LRP8: variants seen among roughly 807,000 people sequenced by gnomAD.
The protein encoded by LRP8 is low-density lipoprotein receptor-related protein 8.
A neutral mutation model predicts 111.6 loss-of-function variants in LRP8; 46 were observed. The ratio of observed to expected loss-of-function variants is 0.41; its 90% CI spans 0.33 to 0.53. The LOEUF is 0.53. LRP8 is among the 20% of genes least tolerant of loss of function. The pLI, the probability that LRP8 is intolerant of heterozygous loss-of-function variation, is 0.20. For missense variants in LRP8, 959 were observed against 1,297.4 expected (o/e 0.74, Z 4.01); for synonymous variants, 464 against 511.2 (o/e 0.91, Z 1.24).
In LRP8 at chr1:53,275,733, C is replaced by T; in HGVS notation, c.904G>A (p.Asp302Asn). The change falls in exon 6 of 19, where the codon GAC becomes AAC. Residue 302 changes from aspartate (D) to asparagine (N), a missense_variant. By Grantham distance (23) the Asp-to-Asn change is conservative (BLOSUM62 1). Transcript: ENST00000306052. This position sits in a 1 kb window ranked among gnomAD's most constrained non-coding sequence, Gnocchi z 4.4. ...GTCCCATCCCCACACTGGAACTCGT[C>T]CCCACGGCAGGTGCCCAGTGCTGCC... is the stretch of plus-strand genomic sequence containing the variant. Reference protein sequence around the residue: ...ADCPLGTCRGDEFQCGDGTCV... With the variant: ...ADCPLGTCRGNEFQCGDGTCV... The T allele has an allele frequency of 6.2e-7, 1 of 1,614,004 alleles. No homozygotes were observed. The highest frequency in any genetic ancestry group is 8.5e-7 in the Non-Finnish European group (1 of 1,179,972).
intron 16 of LRP8, among the ~76,000 whole-genome samples, chr1:53,252,540 TAAAAAGAAAAAG>T (rs926379334): frequency 2.6e-5 from 4 of 151,846 alleles, no homozygotes; most frequent in African/African-American, 9.7e-5. Context: ...TCTTGTCTCT[TAAAAAGAAAAAG>T]AAAAAGAAAA....
At position 53,302,831 on chromosome 1, in the gene LRP8, A is replaced by G. The variant is rs559814216; in HGVS notation, c.245-13142T>C. On this transcript the variant is annotated intron_variant, in intron 2 of 18. Transcript: ENST00000306052. ...CAGCTTCCCAAGTAGCTGGGACTGC[A>G]GGCGTGCACCACCACACCCAGCTAA... Among the ~76,000 whole-genome samples, 283 of 145,630 alleles carry G rather than the reference A, an allele frequency of 1.9e-3. 2 individuals carry two copies. Among genetic ancestry groups the G allele is most frequent in the African/African-American group, 6.6e-3 (259 of 39,242 alleles).
In LRP8 at chr1:53,275,153, C is replaced by T. The variant is rs569925428; in HGVS notation, c.1006+478G>A. On this transcript the variant is annotated intron_variant, in intron 6 of 18. Coordinates refer to ENST00000306052, the MANE Select transcript of LRP8 (RefSeq NM_004631.5). This position sits in a 1 kb window ranked among gnomAD's most constrained non-coding sequence, Gnocchi z 4.4. Reference sequence around the variant, plus strand: ...TGATCATCTCCTGGGGGGACTTTGCCCCATGGACCCCGGATAGGGGAAGTT... The same window carrying T: ...TGATCATCTCCTGGGGGGACTTTGCTCCATGGACCCCGGATAGGGGAAGTT... Among the ~76,000 whole-genome samples, 1 of 152,280 alleles carries T rather than the reference C, an allele frequency of 6.6e-6. No individual in the cohort carries two copies. The highest frequency in any genetic ancestry group is 2.1e-4 in the South Asian group (1 of 4,826).
rs995464348 is a variant in LRP8 at position 53,279,681 on chromosome 1, T to C, written c.496+906A>G. Among the ~76,000 whole-genome samples the C allele has an allele frequency of 1.3e-5, 2 of 152,212 alleles. No individual in the cohort carries two copies. The highest frequency in any genetic ancestry group is 2.9e-5 in the Non-Finnish European group (2 of 68,032). ...ATGGATAGGATGCAAATATAGAGGC[T>C]GGCAGAGGGGAGTAGGCAGCAGTGA... On this transcript the variant is annotated intron_variant, in intron 4 of 18. Coordinates refer to ENST00000306052, the MANE Select transcript of LRP8 (RefSeq NM_004631.5). This position sits in a 1 kb window ranked among gnomAD's most constrained non-coding sequence, Gnocchi z 4.4.
chr1:53,316,833 C>T (rs1032061409), intron 2 of LRP8, among the ~76,000 whole-genome samples: 3 of 152,170 alleles, frequency 2.0e-5, no homozygotes, highest in African/African-American at 7.2e-5. Context: ...CACACATGGC[C>T]TGGGGAGGAG....
In LRP8 at chr1:53,295,063, C is replaced by G. The variant is rs556559248; in HGVS notation, c.245-5374G>C. On this transcript the variant is annotated intron_variant, in intron 2 of 18. Coordinates refer to ENST00000306052, the MANE Select transcript of LRP8 (RefSeq NM_004631.5). Reference sequence around the variant, plus strand: ...CAAGGCCTAGTGAGAAGTGACTGCTCAAAGCCACAGCACATGTCTGTGGGA... The same window carrying G: ...CAAGGCCTAGTGAGAAGTGACTGCTGAAAGCCACAGCACATGTCTGTGGGA... 9.2e-4 allele frequency among the ~76,000 whole-genome samples: 140 copies of G among 152,310 alleles called. 1 individual carries two copies. Among genetic ancestry groups the G allele is most frequent in the African/African-American group, 3.2e-3 (132 of 41,570 alleles).
chr1:53,276,986 C>T lies in LRP8; in HGVS notation c.589G>A (p.Asp197Asn), dbSNP rs1386006199. 1.1e-5 allele frequency: 17 copies of T among 1,511,996 alleles called. No homozygotes were observed. The highest frequency in any genetic ancestry group is 1.4e-5 in the African/African-American group (1 of 70,502). 93.7% of individuals were successfully genotyped at this position (1,511,996 alleles called of 1,614,324 possible). The change falls in exon 5 of 19, where the codon GAT (aspartate) becomes AAT (asparagine). Residue 197 changes from aspartate (D) to asparagine (N), a missense_variant. Asp to Asn is a conservative substitution (Grantham distance 23, BLOSUM62 1). Around this residue, in one of 3 missense-constraint regions of LRP8, gnomAD observed 819 missense variants for 1,097.6 expected, o/e 0.75. Transcript: ENST00000306052. ...GCCGGGTCTGCACAGCCGCGCTCAT[C>T]GCTGCCGTCACCACAGTCGTCGTCG... ...DGDDDCGDGSDERGCADPACG... is the reference protein window; with the variant it reads ...DGDDDCGDGSNERGCADPACG...
rs757383846 is a variant in LRP8, at chr1:53,264,188, C to T, written c.1636G>A (p.Ala546Thr). The T allele has an allele frequency of 1.2e-5, 19 of 1,614,024 alleles. No individual in the cohort carries two copies. The East Asian group carries it at 2.9e-4, about 25-fold the overall frequency. Reference protein sequence around the residue: ...SRNLSEPRAIAVDPLRGFMYW... With the variant: ...SRNLSEPRAITVDPLRGFMYW... Reference sequence around the variant, plus strand: ...ACTCACCCTCGCAGGGGGTCAACAGCGATGGCCCGGGGTTCACTGAGGTTA... The same window carrying T: ...ACTCACCCTCGCAGGGGGTCAACAGTGATGGCCCGGGGTTCACTGAGGTTA... Residue 546 changes from alanine (A) to threonine (T), a missense_variant, in exon 10 of 19, where the codon GCT becomes ACT. Physicochemically the swap from Ala to Thr is moderately conservative, Grantham distance 58 (BLOSUM62 0). Around this residue, in one of 3 missense-constraint regions of LRP8, gnomAD observed 819 missense variants for 1,097.6 expected, o/e 0.75. Coordinates refer to ENST00000306052, the MANE Select transcript of LRP8 (RefSeq NM_004631.5).
At chr1:53,282,197 C>T (rs1000027267) in intron 3 of LRP8, among the ~76,000 whole-genome samples, 2 of 152,188 alleles carry the variant, frequency 1.3e-5, no homozygotes, top group South Asian at 4.1e-4. Flanking sequence ...TCCCTGGACA[C>T]CACTACTGCC....
chr1:53,278,682 C>T (rs1422820318), intron 4 of LRP8, among the ~76,000 whole-genome samples: 2 of 152,058 alleles, frequency 1.3e-5, no homozygotes, highest in East Asian at 3.8e-4. Context: ...TCCCTTCCTG[C>T]CTGTCCCCAC....
At chr1:53,252,624 C>T (rs950328019) in intron 16 of LRP8, among the ~76,000 whole-genome samples, 3 of 152,050 alleles carry the variant, frequency 2.0e-5, no homozygotes, top group African/African-American at 7.2e-5. Context: ...CCTAGGAAAA[C>T]CTAAGAAGAA....
chr1:53,296,990 C>T (rs115963279), intron 2 of LRP8, among the ~76,000 whole-genome samples: 77 of 152,252 alleles, frequency 5.1e-4, no homozygotes, highest in African/African-American at 1.7e-3. Flanking sequence ...CAGAGCCCAT[C>T]GCCAGCAGAT....
chr1:53,275,562 C>T lies in LRP8; in HGVS notation c.1006+69G>A. ...AAGGGGAAACTCCTCCCAACTCTGC[C>T]CTCTGGAGAGTTACCAGAGCCTAGG... On this transcript the variant is annotated intron_variant, in intron 6 of 18. Coordinates refer to ENST00000306052, the MANE Select transcript of LRP8 (RefSeq NM_004631.5). The surrounding 1 kb of genome is among the most constrained non-coding windows in gnomAD (Gnocchi z 4.4). 6.3e-7 allele frequency: 1 copy of T among 1,584,952 alleles called. No homozygotes were observed. Among genetic ancestry groups the T allele is most frequent in the South Asian group, 1.1e-5 (1 of 89,180 alleles).
chr1:53,305,832 G>C (rs1651843526), intron 2 of LRP8: 1 of 152,286 alleles, frequency 6.6e-6, no homozygotes, highest in African/African-American at 2.4e-5. Flanking sequence ...CCACCCACGT[G>C]CATGGGCCCT....
At chr1:53,273,314 T>G (rs1245528262) in intron 6 of LRP8, among the ~76,000 whole-genome samples, 2 of 152,268 alleles carry the variant, frequency 1.3e-5, no homozygotes, top group Non-Finnish European at 2.9e-5. Flanking sequence ...CACAACTACA[T>G]GCACACATAC....
rs946384351 is a variant in LRP8 at position 53,279,174 on chromosome 1, G to C, written c.496+1413C>G. ...TTAAGATCCATATTCTCAGGCCTAC[G>C]TAGGCCGAGAGACCCTACTCCTAGC... On this transcript the variant is annotated intron_variant, in intron 4 of 18. Coordinates refer to ENST00000306052, the MANE Select transcript of LRP8 (RefSeq NM_004631.5). The surrounding 1 kb of genome is among the most constrained non-coding windows in gnomAD (Gnocchi z 4.4). 1.3e-5 allele frequency among the ~76,000 whole-genome samples: 2 copies of C among 152,016 alleles called. No homozygotes were observed. The highest frequency in any genetic ancestry group is 4.8e-5 in the African/African-American group (2 of 41,358).
In LRP8 at chr1:53,249,558, T is replaced by C; in HGVS notation, c.2677-2A>G. The C allele has an allele frequency of 1.3e-6, 2 of 1,590,770 alleles. No homozygotes were observed. The highest frequency in any genetic ancestry group is 1.7e-6 in the Non-Finnish European group (2 of 1,168,592). On this transcript the variant is annotated splice_acceptor_variant, in intron 17 of 18. Coordinates refer to ENST00000306052, the MANE Select transcript of LRP8 (RefSeq NM_004631.5). LOFTEE classifies it high-confidence loss of function. The surrounding 1 kb of genome is among the most constrained non-coding windows in gnomAD (Gnocchi z 4.1). ...TGGGCGATCAAAGCTGCTGATTGCC[T>C]GACAGGGGGATGGCACTGTGGATGA...
At chr1:53,320,789 C>G (rs1654408533) in intron 2 of LRP8, among the ~76,000 whole-genome samples, 1 of 152,202 alleles carries the variant, frequency 6.6e-6, no homozygotes, top group African/African-American at 2.4e-5. Flanking sequence ...CTGAGTCCTG[C>G]AGCTGCTCCC....
chr1:53,327,490 T>C, intron 1 of LRP8: 1 of 317,822 alleles, frequency 3.1e-6, no homozygotes, highest in Admixed American at 5.0e-5. Context: ...ACGGCGAGAA[T>C]CACACAGCTC....
Sources: allele counts gnomAD v4.1 joint callset (sites outside exome capture counted in the v4.1 genomes callset), GRCh38; gene constraint gnomAD v4.1.1; regional missense constraint gnomAD v4.1.1; non-coding constraint Gnocchi (gnomAD v3.1); transcripts MANE v1.5; gene names NCBI Gene and HGNC (gene_info 2026-07-23, HGNC 2026-07-21).